Variants in SLC4A4 observed in about 807,000 individuals in gnomAD.
The protein encoded by SLC4A4 is solute carrier family 4 member 4.
SLC4A4 carries 27 observed loss-of-function variants against 111.5 expected under a neutral mutation model. The ratio of observed to expected loss-of-function variants is 0.24; its 90% CI spans 0.18 to 0.33. The LOEUF is 0.33. Among genes scored for constraint, SLC4A4 ranks in the 10% least tolerant of loss-of-function variants. The probability of loss-of-function intolerance (pLI) is 1.00; values close to 1 mark genes in which losing one functional copy is unlikely to be tolerated. For missense variants in SLC4A4, 909 were observed against 1,315.5 expected (o/e 0.69, Z 4.78); for synonymous variants, 443 against 463.4 (o/e 0.96, Z 0.57).
At chr4:71,266,658 T>C (rs926263743) in intron 3 of SLC4A4, among the ~76,000 whole-genome samples, 2 of 152,150 alleles carry the variant, frequency 1.3e-5, no homozygotes, top group African/African-American at 4.8e-5. Context: ...ATGCATGATC[T>C]CATTGAGATA....
intron 2 of SLC4A4, among the ~76,000 whole-genome samples, chr4:71,115,362 AAAG>A (rs923959015): frequency 5.9e-5 from 9 of 152,274 alleles, no homozygotes; most frequent in East Asian, 1.9e-4. Context: ...AATAAATAAA[AAAG>A]AAGGAAACAC....
chr4:71,070,365 A>G (rs1741633081), intron 1 of SLC4A4, among the ~76,000 whole-genome samples: 1 of 152,160 alleles, frequency 6.6e-6, no homozygotes, highest in Admixed American at 6.5e-5. Flanking sequence ...AGGAGTCTTT[A>G]CCTTGTCAGA....
At chr4:71,554,755 G>A (rs997090212) in intron 20 of SLC4A4, among the ~76,000 whole-genome samples, 2 of 151,674 alleles carry the variant, frequency 1.3e-5, no homozygotes, top group African/African-American at 2.4e-5. Flanking sequence ...CAAGAGTGAG[G>A]CAACCATCTA....
chr4:71,433,273 C>G (rs540288754), intron 7 of SLC4A4, among the ~76,000 whole-genome samples: 1 of 151,726 alleles, frequency 6.6e-6, no homozygotes, highest in South Asian at 2.1e-4. Flanking sequence ...TTAGTCTCAT[C>G]TAGTCTGCCT....
At chr4:71,236,190 GATC>G in intron 1 of SLC4A4, 1 of 1,055,606 alleles carries the variant, frequency 9.5e-7, no homozygotes, top group Non-Finnish European at 1.1e-6. Flanking sequence ...TTCCACAAAC[GATC>G]ATCACGAGCA....
intron 3 of SLC4A4, among the ~76,000 whole-genome samples, chr4:71,285,366 C>A (rs1209547209): frequency 6.6e-6 from 1 of 152,070 alleles, no homozygotes; most frequent in Non-Finnish European, 1.5e-5. Flanking sequence ...GTCAGTGGTG[C>A]TCTGTGTGGC....
chr4:71,552,198 A>C (rs1736052823), intron 20 of SLC4A4, among the ~76,000 whole-genome samples: 1 of 151,930 alleles, frequency 6.6e-6, no homozygotes, highest in Admixed American at 6.6e-5. Context: ...TCTTTATCAT[A>C]CCCTCTTTTA....
intron 6 of SLC4A4, among the ~76,000 whole-genome samples, chr4:71,375,997 C>T (rs1004612572): frequency 1.3e-5 from 2 of 150,626 alleles, no homozygotes; most frequent in Non-Finnish European, 3.0e-5. Context: ...ATTGAAAGGT[C>T]CTAGGATTTT....
At chr4:71,270,379 C>G (rs117606103) in intron 3 of SLC4A4, among the ~76,000 whole-genome samples, 3,502 of 152,292 alleles carry the variant, frequency 0.023, 75 homozygotes, top group East Asian at 0.091. Context: ...CATGAGCCAC[C>G]GTGCCCGGCA....
intron 11 of SLC4A4, 65 bp downstream of exon 11, chr4:71,451,366 TA>T: frequency 9.9e-7 from 1 of 1,014,234 alleles, no homozygotes; most frequent in African/African-American, 1.6e-5. Context: ...TCCCTTCATC[TA>T]TCAACATATT....
chr4:71,166,406 T>C (rs2148979948), intron 2 of SLC4A4, among the ~76,000 whole-genome samples: 1 of 152,336 alleles, frequency 6.6e-6, no homozygotes, highest in South Asian at 2.1e-4. Context: ...AAGACCAAAT[T>C]CTGTTAGTTC....
At chr4:71,503,711 T>C (rs761526386) in intron 16 of SLC4A4, among the ~76,000 whole-genome samples, 3 of 152,188 alleles carry the variant, frequency 2.0e-5, no homozygotes, top group Admixed American at 6.5e-5. Flanking sequence ...ATACTAGAGA[T>C]TGAAAGATTT....
At chr4:71,566,267 A>AT (rs33996537) in intron 24 of SLC4A4, among the ~76,000 whole-genome samples, 138,063 of 151,640 alleles carry the variant, frequency 0.91, 63,964 homozygotes, top group Non-Finnish European at 0.99. Context: ...TTCTGACTTC[A>AT]TTTTTCTCCA....
chr4:71,423,394 G>T (rs1456479998), intron 7 of SLC4A4, among the ~76,000 whole-genome samples: 1 of 152,148 alleles, frequency 6.6e-6, no homozygotes, highest in Admixed American at 6.5e-5. Flanking sequence ...AATCAATATC[G>T]TGAAAATGGC....
At chr4:71,073,440 G>A (rs1741720079) in intron 1 of SLC4A4, among the ~76,000 whole-genome samples, 2 of 152,142 alleles carry the variant, frequency 1.3e-5, no homozygotes, top group African/African-American at 4.8e-5. Context: ...AGGAAATGAA[G>A]TCAAAATGCT....
At chr4:71,499,759 A>G (rs1560564892) in intron 16 of SLC4A4, among the ~76,000 whole-genome samples, 1 of 152,104 alleles carries the variant, frequency 6.6e-6, no homozygotes, top group Non-Finnish European at 1.5e-5. Context: ...TAATGACAGA[A>G]TTTCCTTTGT....
chr4:71,452,955 TTCATCCC>T (rs1208217944), intron 11 of SLC4A4, among the ~76,000 whole-genome samples: 2 of 152,208 alleles, frequency 1.3e-5, no homozygotes, highest in Non-Finnish European at 2.9e-5. Flanking sequence ...CTGCCTCCTT[TTCATCCC>T]CAGAGTAAAC....
At chr4:71,496,432 C>T (rs904972715) in intron 15 of SLC4A4, among the ~76,000 whole-genome samples, 1 of 151,988 alleles carries the variant, frequency 6.6e-6, no homozygotes, top group African/African-American at 2.4e-5. Flanking sequence ...TCAGCCTGAT[C>T]CCATGGGAGC....
chr4:71,368,158 A>G (rs991565153), intron 6 of SLC4A4, among the ~76,000 whole-genome samples: 2 of 152,184 alleles, frequency 1.3e-5, no homozygotes, highest in African/African-American at 2.4e-5. Flanking sequence ...ATTTAATAGG[A>G]ATAGCAAAAT....
Sources: allele counts gnomAD v4.1 joint callset (sites outside exome capture counted in the v4.1 genomes callset), GRCh38; gene constraint gnomAD v4.1.1; transcripts MANE v1.5; gene names NCBI Gene and HGNC (gene_info 2026-07-23, HGNC 2026-07-21).